ALOXE3: variants seen among roughly 807,000 people sequenced by gnomAD.
The protein encoded by ALOXE3 is hydroperoxide isomerase ALOXE3.
In ALOXE3, 78 loss-of-function variants were observed where a neutral mutation model predicts 87.5. The ratio of observed to expected loss-of-function variants is 0.89; its 90% confidence interval spans 0.74 to 1.08. The LOEUF is 1.08. Among genes scored for constraint, ALOXE3 ranks in the 50% least tolerant of loss-of-function variants. ALOXE3 has a pLI of 0.00. For synonymous variants in ALOXE3, 363 were observed against 370.8 expected (o/e 0.98, Z 0.24); for missense variants, 946 against 912.4 (o/e 1.04, Z -0.47).
chr17:8,118,814 T>C (rs939953561), upstream of ALOXE3: 6 of 1,536,676 alleles, frequency 3.9e-6, no homozygotes, highest in Non-Finnish European at 5.2e-6. Context: ...GCCTGCAGGA[T>C]CCTGGGCGGG....
rs753600910 is a variant in ALOXE3, at chr17:8,110,444, C to A, written c.1042G>T (p.Ala348Ser). 2 of 1,612,760 alleles carry A rather than the reference C, an allele frequency of 1.2e-6. No individual in the cohort carries two copies. The highest frequency in any genetic ancestry group is 2.7e-5 in the African/African-American group (2 of 74,918). ...CLNGRQQYVA[A>S]PLCLLWLSPQ... The stretch of plus-strand genomic sequence containing the variant: ...CTGAGCCACAGCAGGCACAGTGGGG[C>A]GGCCACGTACTGCTGGCGGCCGTTT... The change falls in exon 9 of 16, where the codon GCC becomes TCC. Residue 348 changes from alanine to serine, a missense_variant. By Grantham distance (99) the Ala-to-Ser change is moderately conservative. Coordinates refer to ENST00000448843, the MANE Select transcript of ALOXE3 (RefSeq NM_021628.3).
rs1980391946 is a variant in ALOXE3, at chr17:8,114,428, G to C, written c.680+56C>G. On this transcript the variant is annotated intron_variant, in intron 6 of 15. Transcript: ENST00000448843. The stretch of plus-strand genomic sequence containing the variant: ...AGAAGGGGCAGTCTGGGAGCACGGG[G>C]AGGGGGATGGATGGGCAGAGATGTA... The C allele has an allele frequency of 1.9e-6, 3 of 1,613,326 alleles. No homozygotes were observed. The Admixed American group carries it at 5.0e-5, about 27-fold the overall frequency.
At chr17:8,111,728 G>A (rs1980107871) in intron 7 of ALOXE3, among the ~76,000 whole-genome samples, 197 bp from the exon 8 acceptor site, 2 of 152,218 alleles carry the variant, frequency 1.3e-5, no homozygotes, top group Admixed American at 1.3e-4. Flanking sequence ...GAGTGGCAGA[G>A]CAGGGATTTG....
intron 11 of ALOXE3, among the ~76,000 whole-genome samples, chr17:8,109,640 C>T (rs970710587): frequency 1.3e-5 from 2 of 150,632 alleles, no homozygotes; most frequent in African/African-American, 4.9e-5. Context: ...ATGAGGCTGC[C>T]CTGCCTGTGG....
chr17:8,114,695 C>G, intron 5 of ALOXE3, 86 bp from the exon 6 acceptor site: 1 of 1,590,024 alleles, frequency 6.3e-7, no homozygotes, highest in Non-Finnish European at 8.6e-7. Flanking sequence ...TTCCTGCCTT[C>G]CAAGTCCCTG....
intron 13 of ALOXE3, among the ~76,000 whole-genome samples, chr17:8,107,075 TTA>T (rs934784889): frequency 2.0e-5 from 3 of 152,158 alleles, no homozygotes; most frequent in Admixed American, 6.5e-5. Flanking sequence ...GAGAGTTGAA[TTA>T]ACAGTAATTA....
chr17:8,104,219 G>C lies in ALOXE3; in HGVS notation c.1685-4C>G, dbSNP rs1340587496. 1.2e-6 allele frequency: 2 copies of C among 1,611,522 alleles called. No homozygotes were observed. Among genetic ancestry groups the C allele is most frequent in the Non-Finnish European group, 1.7e-6 (2 of 1,178,050 alleles). ...GTGCACAGCCGGCTTGGGAAACCTG[G>C]GTGTGGGGAGGAAGGGTAGAGGGTG... On this transcript the variant is annotated splice_region_variant and splice_polypyrimidine_tract_variant and intron_variant, in intron 13 of 15. Transcript: ENST00000448843.
At position 8,104,326 on chromosome 17, in the gene ALOXE3, G is replaced by A. The variant is rs546673276; in HGVS notation, c.1685-111C>T. On this transcript the variant is annotated intron_variant, in intron 13 of 15. Coordinates refer to ENST00000448843, the MANE Select transcript of ALOXE3 (RefSeq NM_021628.3). ...GGAAAGTGAGGAAGTAGGGAACACC[G>A]AGCCATGACTGTCTTGTCGGGCTGG... 111 of 806,210 alleles carry A rather than the reference G, an allele frequency of 1.4e-4. 1 individual carries two copies. The highest frequency in any genetic ancestry group is 2.0e-4 in the Non-Finnish European group (95 of 474,070). The allele number at this position is 806,210 out of a possible 1,614,324, so 49.9% of individuals were successfully genotyped here. A position where few individuals can be genotyped will look rare whatever the true frequency, so the allele number is the denominator to read the frequency against.
chr17:8,096,593 CCTTT>C lies in ALOXE3; in HGVS notation c.*30_*33del, dbSNP rs765502811. The C allele has an allele frequency of 5.0e-6, 5 of 996,322 alleles. No individual in the cohort carries two copies. The highest frequency in any genetic ancestry group is 8.1e-6 in the Non-Finnish European group (5 of 615,958). The allele number at this position is 996,322 out of a possible 1,614,324, so 61.7% of individuals were successfully genotyped here. ...GGAACTGGTCCTCCTCATGCTTGGA[CCTTT>C]CTTTCTTCTTGGGTGGTATTTGGGG... On this transcript the variant is annotated 3_prime_UTR_variant, in exon 16 of 16. Coordinates refer to ENST00000448843, the MANE Select transcript of ALOXE3 (RefSeq NM_021628.3).
intron 4 of ALOXE3, 90 bp from the exon 5 acceptor site, chr17:8,115,147 C>T: frequency 1.3e-6 from 2 of 1,515,368 alleles, no homozygotes; most frequent in Non-Finnish European, 1.8e-6. Flanking sequence ...ATTAAAACTT[C>T]AAAAACCACC....
rs960749985 is a variant in ALOXE3, at chr17:8,115,840, T to C, written c.353-152A>G. 7 of 734,000 alleles carry C rather than the reference T, an allele frequency of 9.5e-6. No individual in the cohort carries two copies. In the African/African-American group the frequency reaches 1.2e-4, roughly 13 times the overall value. The allele number at this position is 734,000 out of a possible 1,614,324, so 45.5% of individuals were successfully genotyped here. On this transcript the variant is annotated intron_variant, in intron 3 of 15. Coordinates refer to ENST00000448843, the MANE Select transcript of ALOXE3 (RefSeq NM_021628.3). ...TGCCCCCACGTTCTTTGTGTATTCA[T>C]CAGTAGAAGGGATTCAAGACAGCTT...
chr17:8,096,526 T>A lies in ALOXE3; in HGVS notation c.*101A>T. 1 of 763,346 alleles carries A rather than the reference T, an allele frequency of 1.3e-6. No individual in the cohort carries two copies. The highest frequency in any genetic ancestry group is 2.4e-6 in the Non-Finnish European group (1 of 412,958). 47.3% of individuals were successfully genotyped at this position (763,346 alleles called of 1,614,324 possible). On this transcript the variant is annotated 3_prime_UTR_variant, in exon 16 of 16. Transcript: ENST00000448843. ...CCATGTGCAGAAGAGAAGGTTCAGG[T>A]GAACTGAGAACAGGGAGGATGGAAG... is the stretch of plus-strand genomic sequence containing the variant.
chr17:8,105,421 T>C (rs1445739190), intron 13 of ALOXE3, among the ~76,000 whole-genome samples: 1 of 152,204 alleles, frequency 6.6e-6, no homozygotes, highest in African/African-American at 2.4e-5. Context: ...CTCTTTACCT[T>C]GACACACTGT....
chr17:8,115,516 G>T, intron 4 of ALOXE3, 91 bp downstream of exon 4: 1 of 1,358,908 alleles, frequency 7.4e-7, no homozygotes, highest in Non-Finnish European at 1.0e-6. Flanking sequence ...AGGCACCCAA[G>T]GTTGAGAATG....
At position 8,116,921 on chromosome 17, in the gene ALOXE3, T is replaced by C. The variant is rs1460293575; in HGVS notation, c.207A>G (p.Val69=). 1 of 1,614,138 alleles carries C rather than the reference T, an allele frequency of 6.2e-7. No individual in the cohort carries two copies. Among genetic ancestry groups the C allele is most frequent in the Non-Finnish European group, 8.5e-7 (1 of 1,180,048 alleles). ...AELGELLLLR[V]HKERYAFFRK... ...GGAAGAAAGCGTAGCGCTCCTTGTG[T>C]ACACGCAGCAGCAAGAGCTCACCCA... The change falls in exon 3 of 16, where the codon GTA becomes GTG. Residue 69 remains valine, a synonymous_variant. Transcript: ENST00000448843.
rs531306514 is a variant in ALOXE3 at position 8,096,626 on chromosome 17, G to A, written c.*1C>T. On this transcript the variant is annotated 3_prime_UTR_variant, in exon 16 of 16. Coordinates refer to ENST00000448843, the MANE Select transcript of ALOXE3 (RefSeq NM_021628.3). ...TCTTCTTGGGTGGTATTTGGGGGTGGTTAGATGGAGACGCTGTTCTCAATG... is the reference window on the plus strand; with the variant it reads ...TCTTCTTGGGTGGTATTTGGGGGTGATTAGATGGAGACGCTGTTCTCAATG... 1.5e-6 allele frequency: 2 copies of A among 1,295,532 alleles called. No individual in the cohort carries two copies. Among genetic ancestry groups the A allele is most frequent in the Non-Finnish European group, 2.2e-6 (2 of 889,442 alleles). The allele number at this position is 1,295,532 out of a possible 1,614,324, so 80.3% of individuals were successfully genotyped here.
chr17:8,115,662 G>C lies in ALOXE3; in HGVS notation c.379C>G (p.Pro127Ala). Residue 127 changes from proline (P) to alanine (A), a missense_variant, in exon 4 of 16, where the codon CCC becomes GCC. Coordinates refer to ENST00000448843, the MANE Select transcript of ALOXE3 (RefSeq NM_021628.3). Reference protein sequence around the residue: ...TARTICQDSLPLLLDHRTREL... With the variant: ...TARTICQDSLALLLDHRTREL... ...CGTGTCCTGTGATCCAGGAGGAGGG[G>C]AAGAGAGTCCTGACAAATAGTTCTT... is the stretch of plus-strand genomic sequence containing the variant. 1 of 1,613,872 alleles carries C rather than the reference G, an allele frequency of 6.2e-7. No homozygotes were observed. The highest frequency in any genetic ancestry group is 8.5e-7 in the Non-Finnish European group (1 of 1,179,768).
At chr17:8,112,560 C>T (rs1431302360) in intron 6 of ALOXE3, among the ~76,000 whole-genome samples, 1 of 152,150 alleles carries the variant, frequency 6.6e-6, no homozygotes, top group Non-Finnish European at 1.5e-5. Flanking sequence ...GCTGCCAAGC[C>T]TGACTAGCCC....
chr17:8,114,458 G>A (rs200585739), intron 6 of ALOXE3, 26 bp downstream of exon 6: 5 of 1,613,978 alleles, frequency 3.1e-6, no homozygotes, highest in African/African-American at 1.3e-5. Context: ...GATGTAAGAT[G>A]TTCATTAGAG....
Sources: gnomAD v4.1 joint callset for allele counts (sites outside exome capture counted in the v4.1 genomes callset) on GRCh38, gnomAD v4.1.1 for gene constraint, MANE v1.5 for transcripts, NCBI Gene and HGNC (gene_info 2026-07-23, HGNC 2026-07-21) for gene names.